GPC5: variants seen among roughly 807,000 people sequenced by gnomAD.
The protein encoded by GPC5 is glypican-5.
GPC5 carries 47 observed loss-of-function variants against 53.9 expected under a neutral mutation model. The observed-to-expected ratio is 0.87, with a 90% CI of 0.69 to 1.11. The LOEUF is 1.11. GPC5 is among the 50% of genes most tolerant of loss of function. The pLI is 0.00. For missense variants in GPC5, 748 were observed against 713.1 expected, an observed-to-expected ratio of 1.05 and a Z score of -0.56; for synonymous variants, 286 against 263.3, an observed-to-expected ratio of 1.09 and a Z score of -0.84.
chr13:92,712,830 G>T (rs1199639550), intron 7 of GPC5, among the ~76,000 whole-genome samples: 1 of 152,086 alleles, frequency 6.6e-6, no homozygotes, highest in Non-Finnish European at 1.5e-5. Context: ...CAATATGACT[G>T]GTGTCCTTAT....
chr13:91,659,685 C>G (rs1394647212), intron 2 of GPC5, among the ~76,000 whole-genome samples: 1 of 152,108 alleles, frequency 6.6e-6, no homozygotes, highest in Admixed American at 6.6e-5. Flanking sequence ...CTAGCAGCCT[C>G]GAGATGTTTA....
chr13:91,474,314 G>A (rs1882802211), intron 2 of GPC5, among the ~76,000 whole-genome samples: 1 of 152,102 alleles, frequency 6.6e-6, no homozygotes, highest in South Asian at 2.1e-4. Flanking sequence ...TCCCTGAAGT[G>A]AAGTTGGTTT....
chr13:92,128,651 G>C (rs553926463), intron 6 of GPC5, among the ~76,000 whole-genome samples: 2 of 152,230 alleles, frequency 1.3e-5, no homozygotes, highest in South Asian at 4.1e-4. Flanking sequence ...TGGACCAATT[G>C]CAGGCATGCT....
At chr13:91,516,277 C>A (rs1381219020) in intron 2 of GPC5, among the ~76,000 whole-genome samples, 1 of 152,146 alleles carries the variant, frequency 6.6e-6, no homozygotes, top group Non-Finnish European at 1.5e-5. Flanking sequence ...AAATCAAAAG[C>A]AAACTAGCTA....
At chr13:91,861,925 C>T (rs1296845851) in intron 5 of GPC5, among the ~76,000 whole-genome samples, 1 of 151,284 alleles carries the variant, frequency 6.6e-6, no homozygotes, top group Non-Finnish European at 1.5e-5. Context: ...ACTTCATATA[C>T]AATGTAAAAA....
chr13:91,714,797 C>G (rs1159142478), intron 3 of GPC5, among the ~76,000 whole-genome samples: 1 of 152,034 alleles, frequency 6.6e-6, no homozygotes, highest in African/African-American at 2.4e-5. Flanking sequence ...GAGGCCCCAA[C>G]TGGGGCTTAG....
intron 7 of GPC5, among the ~76,000 whole-genome samples, chr13:92,150,401 G>T (rs1184016385): frequency 1.3e-5 from 2 of 151,892 alleles, no homozygotes; most frequent in African/African-American, 4.8e-5. Context: ...ATACTAAAGA[G>T]AAATGAAATA....
intron 6 of GPC5, among the ~76,000 whole-genome samples, chr13:92,098,808 A>G (rs569762497): frequency 3.9e-5 from 6 of 152,300 alleles, no homozygotes; most frequent in African/African-American, 1.4e-4. Flanking sequence ...GCCACAAAAC[A>G]ATAGTTGTGC....
At chr13:92,058,508 G>A (rs571669316) in intron 6 of GPC5, among the ~76,000 whole-genome samples, 4 of 152,198 alleles carry the variant, frequency 2.6e-5, no homozygotes, top group South Asian at 2.1e-4. Context: ...TTAAATCTAC[G>A]TTGACTCACT....
chr13:91,814,818 G>A (rs1285423977), intron 5 of GPC5, among the ~76,000 whole-genome samples: 3 of 152,118 alleles, frequency 2.0e-5, no homozygotes, highest in Non-Finnish European at 4.4e-5. Context: ...TGAGATTACA[G>A]GCATAAGCCA....
Position 91,805,676 on chromosome 13 carries a change from A to AGT in GPC5, c.1280+49267_1280+49268dup, listed in dbSNP as rs563810247. Among the ~76,000 whole-genome samples, 14 of 152,238 alleles carry AGT rather than the reference A, an allele frequency of 9.2e-5. No individual in the cohort carries two copies. The East Asian group carries it at 2.1e-3, about 23-fold the overall frequency. The stretch of plus-strand genomic sequence containing the variant: ...ATGCCAGATGCTCTTTAGAAAATGC[A>AGT]GTGTGTGTGTGTTATTCCCACTTCA... On this transcript the variant is annotated intron_variant, in intron 5 of 7. Coordinates refer to ENST00000377067, the MANE Select transcript of GPC5 (RefSeq NM_004466.6).
At chr13:92,269,055 C>T (rs535413767) in intron 7 of GPC5, among the ~76,000 whole-genome samples, 130 of 151,958 alleles carry the variant, frequency 8.6e-4, no homozygotes, top group Middle Eastern at 3.6e-3. Flanking sequence ...ATGCTTTTTC[C>T]CAGTTTATAT....
chr13:92,071,437 TG>T (rs1379663211), intron 6 of GPC5, among the ~76,000 whole-genome samples: 1 of 152,176 alleles, frequency 6.6e-6, no homozygotes, highest in African/African-American at 2.4e-5. Context: ...AAAGATCTCT[TG>T]TTCTATAAGC....
chr13:92,759,932 A>C (rs771675921), intron 7 of GPC5, among the ~76,000 whole-genome samples: 11 of 152,070 alleles, frequency 7.2e-5, no homozygotes, highest in Non-Finnish European at 1.5e-4. Context: ...AAAGGATGTC[A>C]AACTTTGGTA....
At chr13:92,506,434 T>A (rs1478023140) in intron 7 of GPC5, among the ~76,000 whole-genome samples, 3 of 152,134 alleles carry the variant, frequency 2.0e-5, no homozygotes, top group African/African-American at 7.2e-5. Context: ...CAGAAAATAT[T>A]TTTTAAATAA....
chr13:91,691,200 T>C (rs968540264), intron 2 of GPC5, among the ~76,000 whole-genome samples: 2 of 152,174 alleles, frequency 1.3e-5, no homozygotes, highest in African/African-American at 2.4e-5. Context: ...TGAACAACTC[T>C]GTAAGAGCAG....
At chr13:92,047,932 A>T (rs2040996583) in intron 6 of GPC5, among the ~76,000 whole-genome samples, 1 of 151,882 alleles carries the variant, frequency 6.6e-6, no homozygotes, top group African/African-American at 2.4e-5. Context: ...CAGAGGTTGG[A>T]GTGAGCCGAG....
intron 2 of GPC5, among the ~76,000 whole-genome samples, chr13:91,546,656 A>C (rs1438066848): frequency 6.6e-6 from 1 of 152,128 alleles, no homozygotes; most frequent in Non-Finnish European, 1.5e-5. Context: ...CAATTAAAAA[A>C]AGTCAGTTTC....
intron 6 of GPC5, among the ~76,000 whole-genome samples, chr13:92,140,742 CTAATGGCCCCTG>C (rs2041824307): frequency 6.6e-6 from 1 of 152,132 alleles, no homozygotes; most frequent in South Asian, 2.1e-4. Flanking sequence ...GTAGGAGAGA[CTAATGGCCCCTG>C]TAATGAGGGA....
Sources: gnomAD v4.1 joint callset for allele counts (sites outside exome capture counted in the v4.1 genomes callset) on GRCh38, gnomAD v4.1.1 for gene constraint, MANE v1.5 for transcripts, NCBI Gene and HGNC (gene_info 2026-07-23, HGNC 2026-07-21) for gene names.